The following FARP1 variants were observed in gnomAD, a reference collection of about 807,000 sequenced individuals.
The protein encoded by FARP1 is FERM, ARH/RhoGEF and pleckstrin domain protein 1, also known as FERM, ARHGEF and pleckstrin domain-containing protein 1.
FARP1 carries 52 observed loss-of-function variants against 128.8 expected under a neutral mutation model. That is an observed-to-expected ratio of 0.40 (90% CI 0.32 to 0.51). FARP1 has a LOEUF of 0.51. FARP1 is among the 20% of genes least tolerant of loss of function. The pLI, the probability that FARP1 is intolerant of heterozygous loss-of-function variation, is 0.45. For synonymous variants in FARP1, 580 were observed against 551.8 expected (o/e 1.05, Z -0.72); for missense variants, 1,333 against 1,367.9 (o/e 0.97, Z 0.40).
At position 98,303,066 on chromosome 13, in the gene FARP1, C is replaced by T. The variant is rs532350478; in HGVS notation, c.172-40696C>T. Reference sequence around the variant, plus strand: ...TAAAGGGAATATCAATATAATTTACCTTGATTGGTTATGCTCAACATGCAC... The same window carrying T: ...TAAAGGGAATATCAATATAATTTACTTTGATTGGTTATGCTCAACATGCAC... On this transcript the variant is annotated intron_variant, in intron 2 of 26. Transcript: ENST00000319562. Among the ~76,000 whole-genome samples, 3 of 152,218 alleles carry T rather than the reference C, an allele frequency of 2.0e-5. No homozygotes were observed. In the East Asian group the frequency reaches 5.8e-4, roughly 29 times the overall value.
intron 3 of FARP1, among the ~76,000 whole-genome samples, chr13:98,348,234 GGCTCTTGTCCT>G (rs946332006): frequency 6.6e-6 from 1 of 152,212 alleles, no homozygotes; most frequent in African/African-American, 2.4e-5. Context: ...TCTTGCCCTT[GGCTCTTGTCCT>G]GCTCTTGCTC....
intron 2 of FARP1, among the ~76,000 whole-genome samples, chr13:98,292,825 A>G (rs1457778198): frequency 6.6e-6 from 1 of 152,190 alleles, no homozygotes; most frequent in Admixed American, 6.5e-5. Context: ...TGGGAAGCTC[A>G]AGTTTTGTAC....
chr13:98,428,810 C>G (rs2139035815), intron 17 of FARP1, among the ~76,000 whole-genome samples: 1 of 152,208 alleles, frequency 6.6e-6, no homozygotes, highest in South Asian at 2.1e-4. Context: ...GCCAGGCCCC[C>G]AAGGATGTGA....
chr13:98,294,511 G>A (rs1218934537), intron 2 of FARP1, among the ~76,000 whole-genome samples: 2 of 152,194 alleles, frequency 1.3e-5, no homozygotes, highest in South Asian at 2.1e-4. Flanking sequence ...AAACACACTT[G>A]TGAGGTGAGG....
At chr13:98,195,966 C>T (rs138337963) in intron 1 of FARP1, among the ~76,000 whole-genome samples, 1 of 152,254 alleles carries the variant, frequency 6.6e-6, no homozygotes, top group East Asian at 1.9e-4. Flanking sequence ...TTGGAGGCTG[C>T]AGTGAACTGT....
chr13:98,333,234 G>C (rs2139835910), intron 2 of FARP1: 1 of 152,266 alleles, frequency 6.6e-6, no homozygotes, highest in South Asian at 2.1e-4. Flanking sequence ...GTATCAAGCT[G>C]TCAAGATGAT....
In FARP1 at chr13:98,390,016, C is replaced by G. The variant is rs193003957; in HGVS notation, c.915C>G (p.Phe305Leu). The G allele has an allele frequency of 6.2e-6, 10 of 1,614,206 alleles. No individual in the cohort carries two copies. The highest frequency in any genetic ancestry group is 7.6e-6 in the Non-Finnish European group (9 of 1,180,032). The change falls in exon 10 of 27, where the codon TTC (phenylalanine) becomes TTG (leucine). Residue 305 changes from phenylalanine (F) to leucine (L), a missense_variant. This residue lies in a region of FARP1 where 324 missense variants were observed against 398.1 expected (regional missense o/e 0.81). Coordinates refer to ENST00000319562, the MANE Select transcript of FARP1 (RefSeq NM_005766.4). ...CCAGTCGGGATTTCTGCAAGTCCTTCTGGAAAATCTGTGTTGAACATCATG... is the reference window on the plus strand; with the variant it reads ...CCAGTCGGGATTTCTGCAAGTCCTTGTGGAAAATCTGTGTTGAACATCATG... ...LMASRDFCKSFWKICVEHHAF... is the reference protein window; with the variant it reads ...LMASRDFCKSLWKICVEHHAF...
rs756645969 is a variant in FARP1, at chr13:98,431,229, C to T, written c.2092C>T (p.Arg698Trp). ...CATGCACTACAAGCAGGTCCTGGAG[C>T]GGCTGTGCAAACACCACCCGCCGAG... ...RLMHYKQVLERLCKHHPPSHA... is the reference protein window; with the variant it reads ...RLMHYKQVLEWLCKHHPPSHA... Residue 698 changes from arginine to tryptophan, a missense_variant, in exon 18 of 27, where the codon CGG (arginine) becomes TGG (tryptophan). This residue lies in a region of FARP1 where 1,009 missense variants were observed against 969.8 expected (regional missense o/e 1.04). Transcript: ENST00000319562. 23 of 1,588,872 alleles carry T rather than the reference C, an allele frequency of 1.4e-5. No homozygotes were observed. Among genetic ancestry groups the T allele is most frequent in the African/African-American group, 4.0e-5 (3 of 74,214 alleles).
Position 98,431,074 on chromosome 13 carries a change from A to C in FARP1, c.1937A>C (p.Glu646Ala). Residue 646 changes from glutamate (E) to alanine (A), a missense_variant, in exon 18 of 27, where the codon GAG becomes GCG. Glu to Ala is a moderately radical substitution (Grantham distance 107, BLOSUM62 -1). This residue lies in a region of FARP1 where 1,009 missense variants were observed against 969.8 expected (regional missense o/e 1.04). Transcript: ENST00000319562. ...HLAAHLWKHS[E>A]ALEALENGIK... ...GCGGCTCACCTGTGGAAGCACAGCG[A>C]GGCCTTGGAGGCCCTGGAGAATGGA... The C allele has an allele frequency of 6.2e-7, 1 of 1,614,084 alleles. No individual in the cohort carries two copies. The highest frequency in any genetic ancestry group is 8.5e-7 in the Non-Finnish European group (1 of 1,179,952).
At position 98,435,819 on chromosome 13, in the gene FARP1, T is replaced by C. The variant is rs763459488; in HGVS notation, c.2274+113T>C. On this transcript the variant is annotated intron_variant, in intron 19 of 26. Transcript: ENST00000319562. ...CCCTTGCAAAGCAAAATGTCCTCTT[T>C]CCATCCACCTGGGAGACAACTGGAA... 2.8e-6 allele frequency: 3 copies of C among 1,084,016 alleles called. No homozygotes were observed. The African/African-American group carries it at 4.7e-5, about 17-fold the overall frequency. The allele number at this position is 1,084,016 out of a possible 1,614,324, so 67.1% of individuals were successfully genotyped here.
Position 98,450,769 on chromosome 13 carries a change from C to G in FARP1, c.*2452C>G, listed in dbSNP as rs1168229443. On this transcript the variant is annotated 3_prime_UTR_variant, in exon 27 of 27. Coordinates refer to ENST00000319562, the MANE Select transcript of FARP1 (RefSeq NM_005766.4). ...GCTGAGGCAGGTTCCAGTGGTAGCC[C>G]TGGTGCCTGGGCTCTCTCTTAATGC... 6.6e-6 allele frequency: 1 copy of G among 152,284 alleles called. No individual in the cohort carries two copies. The highest frequency in any genetic ancestry group is 1.5e-5 in the Non-Finnish European group (1 of 68,078). The allele number at this position is 152,284 out of a possible 1,614,324, so 9.4% of individuals were successfully genotyped here. A position where few individuals can be genotyped will look rare whatever the true frequency, so the allele number is the denominator to read the frequency against.
intron 16 of FARP1, among the ~76,000 whole-genome samples, chr13:98,422,516 CT>C (rs1891631827): frequency 6.6e-6 from 1 of 152,088 alleles, no homozygotes; most frequent in African/African-American, 2.4e-5. Context: ...GGGGTGCTCT[CT>C]TTTCTTTGAT....
At chr13:98,411,163 C>G (rs780135555) in intron 15 of FARP1, among the ~76,000 whole-genome samples, 1 of 152,138 alleles carries the variant, frequency 6.6e-6, no homozygotes, top group Non-Finnish European at 1.5e-5. Context: ...CACGGGAGAC[C>G]TCGGAGGTGA....
chr13:98,440,662 T>A lies in FARP1; in HGVS notation c.2630-8T>A, dbSNP rs747151230. ...ATCAGAAGTGCTGCCTTTTGCCCCATCCTGTAGAGTCCCCTGATGAAGCCA... is the reference window on the plus strand; with the variant it reads ...ATCAGAAGTGCTGCCTTTTGCCCCAACCTGTAGAGTCCCCTGATGAAGCCA... On this transcript the variant is annotated splice_region_variant and splice_polypyrimidine_tract_variant and intron_variant, in intron 23 of 26. Coordinates refer to ENST00000319562, the MANE Select transcript of FARP1 (RefSeq NM_005766.4). The A allele has an allele frequency of 6.2e-7, 1 of 1,610,864 alleles. No homozygotes were observed.
At chr13:98,448,182 T>G (rs987170008) in intron 26 of FARP1, 54 bp from the exon 27 acceptor site, 1 of 1,450,962 alleles carries the variant, frequency 6.9e-7, no homozygotes, top group Admixed American at 1.7e-5. Flanking sequence ...CCCACCAAAG[T>G]GTCAGGAGTC....
intron 2 of FARP1, among the ~76,000 whole-genome samples, chr13:98,331,518 G>C (rs1033863340): frequency 6.6e-6 from 1 of 152,056 alleles, no homozygotes; most frequent in Admixed American, 6.6e-5. Flanking sequence ...ATTAAAGTAC[G>C]GTGAGGTTTA....
intron 2 of FARP1, among the ~76,000 whole-genome samples, chr13:98,242,228 C>A (rs867608812): frequency 1.3e-5 from 2 of 152,288 alleles, no homozygotes; most frequent in South Asian, 4.2e-4. Flanking sequence ...TCGTAGCGTA[C>A]TCCCCCTCCC....
At chr13:98,160,951 T>A (rs115922523) in intron 1 of FARP1, among the ~76,000 whole-genome samples, 2,379 of 152,108 alleles carry the variant, frequency 0.016, 40 homozygotes, top group Middle Eastern at 0.058. Context: ...GTGCCGGGAG[T>A]ACAGGAGTGA....
At position 98,176,345 on chromosome 13, in the gene FARP1, C is replaced by T. The variant is rs201183546; in HGVS notation, c.-24+32853C>T. The T allele has an allele frequency of 7.7e-5, 124 of 1,613,858 alleles. No individual in the cohort carries two copies. The highest frequency in any genetic ancestry group is 1.1e-5 in the South Asian group (1 of 91,082). On this transcript the variant is annotated intron_variant, in intron 1 of 26. Coordinates refer to ENST00000319562, the MANE Select transcript of FARP1 (RefSeq NM_005766.4). The surrounding 1 kb of genome is among the most constrained non-coding windows in gnomAD (Gnocchi z 6.2). The stretch of plus-strand genomic sequence containing the variant: ...TCTTTGGCGGGGTTAAAGATGCCGC[C>T]GGTTGGCTGGTCACAGATGTAGCAG...
Sources: allele counts gnomAD v4.1 joint callset (sites outside exome capture counted in the v4.1 genomes callset), GRCh38; gene constraint gnomAD v4.1.1; regional missense constraint gnomAD v4.1.1; non-coding constraint Gnocchi (gnomAD v3.1); transcripts MANE v1.5; gene names NCBI Gene and HGNC (gene_info 2026-07-23, HGNC 2026-07-21).